GRIP1: variants seen among roughly 807,000 people sequenced by gnomAD.
The protein encoded by GRIP1 is glutamate receptor interacting protein 1, also known as glutamate receptor-interacting protein 1.
In GRIP1, 45 loss-of-function variants were observed where a neutral mutation model predicts 129.9. The observed-to-expected ratio is 0.35, with a 90% CI of 0.27 to 0.44. The LOEUF (loss-of-function observed/expected upper bound fraction) is 0.44, where lower values mean the gene tolerates loss of function less well. GRIP1 is among the 20% of genes least tolerant of loss of function. GRIP1 has a pLI of 1.00. For synonymous variants in GRIP1, 530 were observed against 520.8 expected, an observed-to-expected ratio of 1.02 and a Z score of -0.24; for missense variants, 1,196 against 1,396.8, an observed-to-expected ratio of 0.86 and a Z score of 2.29.
At chr12:66,815,996 T>C (rs901059232) in intron 1 of GRIP1, among the ~76,000 whole-genome samples, 2 of 152,058 alleles carry the variant, frequency 1.3e-5, no homozygotes, top group Non-Finnish European at 2.9e-5. Context: ...CAAGAAATAT[T>C]GTCCTTATAT....
chr12:66,400,678 A>G (rs2056955095), intron 16 of GRIP1, among the ~76,000 whole-genome samples: 1 of 152,194 alleles, frequency 6.6e-6, no homozygotes, highest in Non-Finnish European at 1.5e-5. Flanking sequence ...CTCCAAAAAT[A>G]TGCTATATAT....
intron 7 of GRIP1, among the ~76,000 whole-genome samples, chr12:66,475,184 C>G (rs1407155616): frequency 1.3e-5 from 2 of 152,086 alleles, no homozygotes; most frequent in African/African-American, 4.8e-5. Context: ...CAATCCTAGT[C>G]TCTGATAAAA....
At chr12:66,553,011 G>A (rs1327935752) in intron 2 of GRIP1, among the ~76,000 whole-genome samples, 2 of 152,186 alleles carry the variant, frequency 1.3e-5, no homozygotes, top group African/African-American at 4.8e-5. Context: ...ATCAAGGACA[G>A]CTCTCACACC....
intron 23 of GRIP1, among the ~76,000 whole-genome samples, chr12:66,368,743 T>G (rs968999173): frequency 2.0e-5 from 3 of 152,198 alleles, no homozygotes; most frequent in Admixed American, 1.3e-4. Flanking sequence ...CTTTAACAAG[T>G]CACTTGTCTT....
chr12:66,644,806 C>G (rs1409951210), intron 1 of GRIP1, among the ~76,000 whole-genome samples: 1 of 152,144 alleles, frequency 6.6e-6, no homozygotes, highest in Non-Finnish European at 1.5e-5. Flanking sequence ...TTTAATTTTG[C>G]ATATCAAGCA....
rs187258739 is a variant in GRIP1 at position 66,735,393 on chromosome 12, A to G, written c.-420+68660T>C. Among the ~76,000 whole-genome samples, 764 of 152,308 alleles carry G rather than the reference A, an allele frequency of 5.0e-3. 20 individuals carry two copies. The South Asian group carries it at 0.079, about 16-fold the overall frequency. The stretch of plus-strand genomic sequence containing the variant: ...TTCTGGAGTAAAGAAAAGTTATAGG[A>G]ACAAAGTCACTAAAAGAGACTGTGA... On this transcript the variant is annotated intron_variant, in intron 1 of 4. Transcript: ENST00000538373.
At position 67,000,458 on chromosome 12, in the gene GRIP1, TTCTA is replaced by T. The variant is rs554152831; in HGVS notation, c.58+68588_58+68591del. Among the ~76,000 whole-genome samples, 33 of 152,328 alleles carry T rather than the reference TTCTA, an allele frequency of 2.2e-4. No individual in the cohort carries two copies. In the East Asian group the frequency reaches 6.4e-3, roughly 29 times the overall value. Reference sequence around the variant, plus strand: ...TCTGCTAATGTGTCTAACCAACAATTTCTATCTGCCTCCAAAACATCTTTCAAAT... The same window carrying T: ...TCTGCTAATGTGTCTAACCAACAATTTCTGCCTCCAAAACATCTTTCAAAT... On this transcript the variant is annotated intron_variant, in intron 1 of 1. Coordinates refer to the GRIP1 transcript ENST00000643019.
intron 7 of GRIP1, among the ~76,000 whole-genome samples, chr12:66,478,751 C>A (rs572274677): frequency 6.6e-6 from 1 of 152,046 alleles, no homozygotes; most frequent in South Asian, 2.1e-4. Context: ...AAGCTGGAAA[C>A]CATCATTCTC....
In GRIP1 at chr12:66,669,862, T is replaced by C. The variant is rs376336106; in HGVS notation, c.55+8988A>G. On this transcript the variant is annotated intron_variant, in intron 1 of 24. Coordinates refer to ENST00000359742, the MANE Select transcript of GRIP1 (RefSeq NM_001366722.1). ...CTTCAAGAGCACAGAACATAAAATG[T>C]AGTAATGATTAGAAAATGATGAATT... is the stretch of plus-strand genomic sequence containing the variant. Among the ~76,000 whole-genome samples, 138 of 152,350 alleles carry C rather than the reference T, an allele frequency of 9.1e-4. 3 individuals are homozygous for C. In the South Asian group the frequency reaches 0.023, roughly 26 times the overall value.
chr12:66,579,364 C>T (rs991083160), intron 2 of GRIP1, among the ~76,000 whole-genome samples: 3 of 152,178 alleles, frequency 2.0e-5, no homozygotes, highest in Admixed American at 2.0e-4. Context: ...TCTCCTCCTC[C>T]AAAGGATCGC....
Position 66,669,387 on chromosome 12 carries a change from C to CAATAAATA in GRIP1, c.55+9455_55+9462dup, listed in dbSNP as rs76985683. 2.3e-3 allele frequency among the ~76,000 whole-genome samples: 346 copies of CAATAAATA among 151,134 alleles called. 3 individuals carry two copies. Among genetic ancestry groups the CAATAAATA allele is most frequent in the Admixed American group, 5.3e-3 (80 of 15,166 alleles). On this transcript the variant is annotated intron_variant, in intron 1 of 24. Transcript: ENST00000359742. ...TGGGTGACAGAGTGAGACTCTGTCT[C>CAATAAATA]AATAAATAAATAAATAAATAAATAA... is the stretch of plus-strand genomic sequence containing the variant.
At chr12:66,380,837 T>C (rs570794033) in intron 19 of GRIP1, among the ~76,000 whole-genome samples, 2 of 152,314 alleles carry the variant, frequency 1.3e-5, no homozygotes, top group African/African-American at 4.8e-5. Context: ...GACTTGTGTG[T>C]GTGCATGTGT....
chr12:66,795,144 T>C (rs2038658924), intron 1 of GRIP1, among the ~76,000 whole-genome samples: 1 of 152,194 alleles, frequency 6.6e-6, no homozygotes, highest in African/African-American at 2.4e-5. Flanking sequence ...GCAGGCAGAT[T>C]ACAGTTTACA....
upstream of GRIP1, chr12:66,679,195 T>G: frequency 8.0e-7 from 1 of 1,257,398 alleles, no homozygotes; most frequent in Non-Finnish European, 1.0e-6. Context: ...CACCAAATTG[T>G]ACAAAGCAGG....
At chr12:66,363,289 G>C (rs755952722) in intron 23 of GRIP1, among the ~76,000 whole-genome samples, 7 of 145,588 alleles carry the variant, frequency 4.8e-5, no homozygotes, top group Non-Finnish European at 9.0e-5. Context: ...TGTCACCCAG[G>C]CTGGGGTACA....
chr12:66,883,842 A>G (rs575311061), intron 1 of GRIP1, among the ~76,000 whole-genome samples: 66 of 152,304 alleles, frequency 4.3e-4, no homozygotes, highest in South Asian at 1.0e-3. Context: ...AAGTTGTTCA[A>G]CTTCTATAAA....
rs756222281 is a variant in GRIP1 at position 66,444,537 on chromosome 12, C to A, written c.1687+47G>T. 8 of 1,270,198 alleles carry A rather than the reference C, an allele frequency of 6.3e-6. No individual in the cohort carries two copies. In the East Asian group the frequency reaches 1.9e-4, roughly 31 times the overall value. The allele number at this position is 1,270,198 out of a possible 1,614,324, so 78.7% of individuals were successfully genotyped here. A position where few individuals can be genotyped will look rare whatever the true frequency, so the allele number is the denominator to read the frequency against. On this transcript the variant is annotated intron_variant, in intron 13 of 24. Transcript: ENST00000359742. ...AAATAGTTTCCTCTCTGCCACATAA[C>A]CAATATAACTCACATGCAGTCCACT...
intron 4 of GRIP1, among the ~76,000 whole-genome samples, chr12:66,533,879 A>ACTCTC (rs879391301): frequency 0.015 from 1,943 of 130,976 alleles, 36 homozygotes; most frequent in South Asian, 0.059. Context: ...ACACACACAC[A>ACTCTC]TACACACACT....
chr12:67,002,000 A>G (rs984972010), intron 1 of GRIP1, among the ~76,000 whole-genome samples: 1 of 152,092 alleles, frequency 6.6e-6, no homozygotes, highest in African/African-American at 2.4e-5. Context: ...TGAATACAAC[A>G]CGACATAGAG....
Sources: gnomAD v4.1 joint callset for allele counts (sites outside exome capture counted in the v4.1 genomes callset) on GRCh38, gnomAD v4.1.1 for gene constraint, MANE v1.5 for transcripts, NCBI Gene and HGNC (gene_info 2026-07-23, HGNC 2026-07-21) for gene names.